Variants in FNIP1 observed in about 807,000 individuals in gnomAD.
The protein encoded by FNIP1 is folliculin interacting protein 1.
Under a neutral mutation model 124.5 loss-of-function variants are expected in FNIP1, and 40 were observed. That is an observed-to-expected ratio of 0.32 (90% confidence interval 0.25 to 0.42). The LOEUF is 0.42. Among genes scored for constraint, FNIP1 ranks in the 10% least tolerant of loss-of-function variants. FNIP1 has a pLI of 1.00. For missense variants in FNIP1, 1,176 were observed against 1,403.7 expected (o/e 0.84, Z 2.59); for synonymous variants, 472 against 470.6 (o/e 1.00, Z -0.04).
intron 1 of FNIP1, among the ~76,000 whole-genome samples, chr5:131,767,762 C>G (rs1056781351): frequency 6.6e-6 from 1 of 152,152 alleles, no homozygotes; most frequent in Non-Finnish European, 1.5e-5. Flanking sequence ...TCTAATCTGA[C>G]AGGAAAATAA....
chr5:131,755,783 T>C (rs921906230), intron 1 of FNIP1, among the ~76,000 whole-genome samples: 1 of 151,938 alleles, frequency 6.6e-6, no homozygotes, highest in Admixed American at 6.5e-5. Context: ...CCGAGGCTGG[T>C]GGATCACCTG....
chr5:131,713,254 G>T (rs1769358707), intron 6 of FNIP1, among the ~76,000 whole-genome samples: 1 of 152,042 alleles, frequency 6.6e-6, no homozygotes, highest in Non-Finnish European at 1.5e-5. Flanking sequence ...CACCATGTTA[G>T]CCAGGATGGT....
chr5:131,683,809 A>G (rs73268225), intron 11 of FNIP1, among the ~76,000 whole-genome samples: 2,767 of 152,264 alleles, frequency 0.018, 66 homozygotes, highest in African/African-American at 0.059. Flanking sequence ...TATAAAGCCC[A>G]CTCAAGCACT....
At chr5:131,779,999 G>C (rs1771943726) in intron 1 of FNIP1, among the ~76,000 whole-genome samples, 1 of 150,766 alleles carries the variant, frequency 6.6e-6, no homozygotes, top group Admixed American at 6.6e-5. Context: ...CAGCAGTTTT[G>C]AGACCAGCCT....
chr5:131,647,300 T>C, intron 16 of FNIP1, 95 bp from the exon 17 acceptor site: 1 of 882,158 alleles, frequency 1.1e-6, no homozygotes, highest in South Asian at 1.5e-5. Flanking sequence ...GACAATTCTG[T>C]TTGTTTATTT....
chr5:131,690,552 T>C (rs1489799578), intron 11 of FNIP1, among the ~76,000 whole-genome samples: 1 of 152,190 alleles, frequency 6.6e-6, no homozygotes, highest in Non-Finnish European at 1.5e-5. Flanking sequence ...CCTGCTGCCT[T>C]GTGAAGAAGG....
intron 11 of FNIP1, among the ~76,000 whole-genome samples, chr5:131,693,289 A>AATATATATATAT (rs1768545745): frequency 1.5e-5 from 1 of 68,306 alleles, no homozygotes; most frequent in Non-Finnish European, 2.9e-5. Flanking sequence ...GTAATAGCTA[A>AATATATATATAT]ATATATACAT....
chr5:131,686,768 CT>C (rs34785101), intron 11 of FNIP1, among the ~76,000 whole-genome samples: 1 of 152,040 alleles, frequency 6.6e-6, no homozygotes, highest in Non-Finnish European at 1.5e-5. Context: ...CAGGGTCTTG[CT>C]TTTTTTGCCC....
intron 9 of FNIP1, among the ~76,000 whole-genome samples, chr5:131,705,396 C>T (rs1195730231): frequency 6.6e-6 from 1 of 151,920 alleles, no homozygotes; most frequent in Non-Finnish European, 1.5e-5. Flanking sequence ...TCACCTGAGC[C>T]CAGGGAGGTT....
rs78367776 is a variant in FNIP1 at position 131,651,810 on chromosome 5, G to A, written c.3298C>T (p.Pro1100Ser). 2.3e-5 allele frequency: 37 copies of A among 1,613,942 alleles called. No homozygotes were observed. The East Asian group carries it at 7.6e-4, about 33-fold the overall frequency. ...GTGTTACACATACTTACAAAATTTG[G>A]AGACAAGTTATGCTTATAAAGCTGA... Reference protein sequence around the residue: ...TLQLYKHNLSPNFCVMHLEDR... With the variant: ...TLQLYKHNLSSNFCVMHLEDR... The change falls in exon 16 of 18, where the codon CCA becomes TCA. Residue 1100 changes from proline (P) to serine (S), a missense_variant. Transcript: ENST00000510461.
At chr5:131,674,783 T>A (rs184212524) in intron 13 of FNIP1, among the ~76,000 whole-genome samples, 399 of 152,276 alleles carry the variant, frequency 2.6e-3, no homozygotes, top group African/African-American at 8.9e-3. Context: ...ATTTTTGAAG[T>A]TGTCAGTATA....
chr5:131,691,832 C>G (rs1282999325), intron 11 of FNIP1, among the ~76,000 whole-genome samples: 1 of 152,114 alleles, frequency 6.6e-6, no homozygotes, highest in Non-Finnish European at 1.5e-5. Flanking sequence ...ATTATCTACT[C>G]CTGGCAAACA....
At chr5:131,720,248 G>T (rs1233299387) in intron 3 of FNIP1, among the ~76,000 whole-genome samples, 4 of 152,188 alleles carry the variant, frequency 2.6e-5, no homozygotes, top group African/African-American at 7.2e-5. Flanking sequence ...ACACAATGGG[G>T]ACAGGATAGT....
chr5:131,762,094 C>T lies in FNIP1; in HGVS notation c.93-17404G>A, dbSNP rs62385580. On this transcript the variant is annotated intron_variant, in intron 1 of 17. Coordinates refer to ENST00000510461, the MANE Select transcript of FNIP1 (RefSeq NM_133372.3). The stretch of plus-strand genomic sequence containing the variant: ...CCAGACCCCTATCTCTCACCATACA[C>T]GAAAATTAAATCAAAATGGATTAAA... Among the ~76,000 whole-genome samples, 812 of 152,158 alleles carry T rather than the reference C, an allele frequency of 5.3e-3. 2 individuals are homozygous for T. The highest frequency in any genetic ancestry group is 0.012 in the South Asian group (57 of 4,826).
At chr5:131,785,288 C>T (rs2149587250) in intron 1 of FNIP1, among the ~76,000 whole-genome samples, 1 of 151,726 alleles carries the variant, frequency 6.6e-6, no homozygotes, top group African/African-American at 2.4e-5. Context: ...GGCACAGTGG[C>T]TCACGCCTGT....
Position 131,655,784 on chromosome 5 carries a change from G to A in FNIP1, c.3109-3785C>T, listed in dbSNP as rs151156507. 4.6e-3 allele frequency among the ~76,000 whole-genome samples: 703 copies of A among 151,872 alleles called. 8 individuals carry two copies. Among genetic ancestry groups the A allele is most frequent in the African/African-American group, 0.016 (667 of 41,402 alleles). On this transcript the variant is annotated intron_variant, in intron 15 of 17. Coordinates refer to ENST00000510461, the MANE Select transcript of FNIP1 (RefSeq NM_133372.3). ...AAAAAAAAAATTAGTTAGGCATGGT[G>A]GCAGGCGCCTGCAATCCCAGCTACT...
rs1009850547 is a variant in FNIP1 at position 131,775,509 on chromosome 5, T to C, written c.92+21321A>G. ...ATTTATCAATATAAATATAAATATA[T>C]ATATACATATTATATATACTTTTTT... On this transcript the variant is annotated intron_variant, in intron 1 of 17. Transcript: ENST00000510461. 3.9e-4 allele frequency among the ~76,000 whole-genome samples: 58 copies of C among 147,984 alleles called. 1 individual carries two copies. Among genetic ancestry groups the C allele is most frequent in the Admixed American group, 1.4e-3 (21 of 14,772 alleles).
At chr5:131,670,688 TA>T (rs75570333) in intron 14 of FNIP1, 57 bp from the exon 15 acceptor site, 113,286 of 918,240 alleles carry the variant, frequency 0.12, 1 homozygote, top group South Asian at 0.14. Context: ...ATTTAACCAG[TA>T]AAAAAAAAAA....
Position 131,672,158 on chromosome 5 carries a change from A to C in FNIP1, c.2286T>G (p.Asp762Glu), listed in dbSNP as rs1488654933. The change falls in exon 14 of 18, where the codon GAT (aspartate) becomes GAG (glutamate). Residue 762 changes from aspartate (D) to glutamate (E), a missense_variant. Asp to Glu is a conservative substitution (Grantham distance 45, BLOSUM62 2). Transcript: ENST00000510461. ...CCTGACTTCGAAGCTCAGTATCTGA[A>C]TCAGGTGACATAGAATCCCCAATCA... ...TFLIGDSMSP[D>E]SDTELRSQAV... 1 of 1,614,074 alleles carries C rather than the reference A, an allele frequency of 6.2e-7. No homozygotes were observed. The highest frequency in any genetic ancestry group is 8.5e-7 in the Non-Finnish European group (1 of 1,180,044).
Sources: gnomAD v4.1 joint callset for allele counts (sites outside exome capture counted in the v4.1 genomes callset) on GRCh38, gnomAD v4.1.1 for gene constraint, MANE v1.5 for transcripts, NCBI Gene and HGNC (gene_info 2026-07-23, HGNC 2026-07-21) for gene names.